ZNF385D: variants seen among roughly 807,000 people sequenced by gnomAD.
ZNF385D encodes zinc finger protein 385D.
A neutral mutation model predicts 35.8 loss-of-function variants in ZNF385D; 15 were observed. That is an observed-to-expected ratio of 0.42 (90% CI 0.28 to 0.64). The LOEUF is 0.64. ZNF385D is among the 30% of genes least tolerant of loss of function. The pLI, the probability that ZNF385D is intolerant of heterozygous loss-of-function variation, is 0.23. For missense variants in ZNF385D, 474 were observed against 494.6 expected, an observed-to-expected ratio of 0.96 and a Z score of 0.39; for synonymous variants, 212 against 186.8, an observed-to-expected ratio of 1.13 and a Z score of -1.10.
At position 22,248,092 on chromosome 3, in the gene ZNF385D, G is replaced by C. The variant is rs1043517796; in HGVS notation, c.107-79057C>G. On this transcript the variant is annotated intron_variant, in intron 2 of 5. Transcript: ENST00000494108. The stretch of plus-strand genomic sequence containing the variant: ...CAATCAAGCTGATGTCAAGATTCAT[G>C]AACTACACAACCTTGCTCCCTGAAG... Among the ~76,000 whole-genome samples the C allele has an allele frequency of 5.9e-5, 9 of 152,098 alleles. No homozygotes were observed. In the East Asian group the frequency reaches 1.4e-3, roughly 23 times the overall value.
intron 3 of ZNF385D, among the ~76,000 whole-genome samples, chr3:21,770,299 G>T (rs1049963871): frequency 2.0e-5 from 3 of 152,026 alleles, no homozygotes; most frequent in African/African-American, 7.2e-5. Flanking sequence ...GAGTGAACAG[G>T]CAACCTACAG....
chr3:22,371,667 C>T (rs1261549338), intron 2 of ZNF385D, among the ~76,000 whole-genome samples: 1 of 152,148 alleles, frequency 6.6e-6, no homozygotes, highest in Non-Finnish European at 1.5e-5. Flanking sequence ...AAACATCTCC[C>T]AAAATGCAAG....
chr3:22,163,855 A>G (rs1386252199), intron 3 of ZNF385D, among the ~76,000 whole-genome samples: 1 of 152,188 alleles, frequency 6.6e-6, no homozygotes, highest in Admixed American at 6.5e-5. Context: ...TTTAAGGAGA[A>G]GAATGAAAGA....
intron 3 of ZNF385D, among the ~76,000 whole-genome samples, chr3:21,832,190 ATTTG>A (rs1421559649): frequency 3.9e-5 from 6 of 152,146 alleles, no homozygotes; most frequent in Admixed American, 2.0e-4. Context: ...TGTGTGCCTT[ATTTG>A]TTTTTCTTCA....
intron 3 of ZNF385D, among the ~76,000 whole-genome samples, chr3:21,947,590 A>C (rs1694017): frequency 6.6e-6 from 1 of 152,026 alleles, no homozygotes; most frequent in South Asian, 2.1e-4. Flanking sequence ...GACCTCACGA[A>C]CCGCCCACAT....
At chr3:21,687,475 A>G (rs940611872) in intron 1 of ZNF385D, among the ~76,000 whole-genome samples, 25 of 152,224 alleles carry the variant, frequency 1.6e-4, no homozygotes, top group African/African-American at 6.0e-4. Flanking sequence ...GCAATTTCCC[A>G]TATACCCTCG....
chr3:22,351,566 C>T (rs1048743848), intron 2 of ZNF385D, among the ~76,000 whole-genome samples: 1 of 152,106 alleles, frequency 6.6e-6, no homozygotes, highest in African/African-American at 2.4e-5. Flanking sequence ...ATAAGCAGTA[C>T]ACTTGCTATA....
intron 3 of ZNF385D, among the ~76,000 whole-genome samples, chr3:22,093,211 C>G (rs1224768294): frequency 6.6e-6 from 1 of 152,042 alleles, no homozygotes; most frequent in Non-Finnish European, 1.5e-5. Context: ...TTTAAGACTA[C>G]TGACTTTACT....
chr3:21,551,430 T>G (rs1267714688), intron 3 of ZNF385D, among the ~76,000 whole-genome samples: 1 of 152,212 alleles, frequency 6.6e-6, no homozygotes, highest in African/African-American at 2.4e-5. Flanking sequence ...TTTTATGAAA[T>G]TCTATTGTTA....
chr3:22,141,004 C>T (rs1001942858), intron 3 of ZNF385D, among the ~76,000 whole-genome samples: 10 of 152,152 alleles, frequency 6.6e-5, no homozygotes, highest in Admixed American at 2.6e-4. Flanking sequence ...AATTGTATAT[C>T]AATATCACCA....
chr3:21,549,875 C>T (rs1377128889), intron 3 of ZNF385D, among the ~76,000 whole-genome samples: 1 of 152,148 alleles, frequency 6.6e-6, no homozygotes, highest in Non-Finnish European at 1.5e-5. Flanking sequence ...CTTTGGGATG[C>T]AGCGGCAACA....
chr3:22,207,060 G>T (rs1409553627), intron 2 of ZNF385D, among the ~76,000 whole-genome samples: 1 of 151,688 alleles, frequency 6.6e-6, no homozygotes, highest in Non-Finnish European at 1.5e-5. Context: ...TAAAATCAGA[G>T]ATGAAAAAGA....
chr3:21,656,546 C>A (rs953371099), intron 2 of ZNF385D, among the ~76,000 whole-genome samples: 3 of 151,924 alleles, frequency 2.0e-5, no homozygotes, highest in African/African-American at 7.2e-5. Flanking sequence ...CTCTAATGAT[C>A]TCATCTGAAC....
intron 3 of ZNF385D, among the ~76,000 whole-genome samples, chr3:21,557,779 T>C (rs2062792893): frequency 6.6e-6 from 1 of 152,186 alleles, no homozygotes; most frequent in Non-Finnish European, 1.5e-5. Context: ...CGTCTGTGAA[T>C]CCATCTGGTC....
At chr3:22,032,728 T>C (rs1223074828) in intron 3 of ZNF385D, among the ~76,000 whole-genome samples, 1 of 152,148 alleles carries the variant, frequency 6.6e-6, no homozygotes, top group Non-Finnish European at 1.5e-5. Flanking sequence ...AAATGGTAAC[T>C]TATGGGGTCG....
At chr3:21,923,659 T>C (rs1700585868) in intron 3 of ZNF385D, among the ~76,000 whole-genome samples, 1 of 151,810 alleles carries the variant, frequency 6.6e-6, no homozygotes. Flanking sequence ...ATACACAACA[T>C]GGAATACTAT....
chr3:21,658,505 G>T (rs2066139733), intron 2 of ZNF385D, among the ~76,000 whole-genome samples: 1 of 151,860 alleles, frequency 6.6e-6, no homozygotes, highest in Admixed American at 6.6e-5. Flanking sequence ...TGGTACAAAT[G>T]TTATGGCTAT....
intron 3 of ZNF385D, among the ~76,000 whole-genome samples, chr3:21,512,586 T>C (rs539697846): frequency 6.6e-6 from 1 of 152,352 alleles, no homozygotes; most frequent in East Asian, 1.9e-4. Flanking sequence ...AAGAAAATTA[T>C]ATATTAGAAA....
chr3:21,865,684 T>C (rs1697309835), intron 3 of ZNF385D, among the ~76,000 whole-genome samples: 1 of 152,140 alleles, frequency 6.6e-6, no homozygotes, highest in African/African-American at 2.4e-5. Flanking sequence ...TTTGAGGAAC[T>C]TAGTTTATGG....
Sources: allele counts gnomAD v4.1 joint callset (sites outside exome capture counted in the v4.1 genomes callset), GRCh38; gene constraint gnomAD v4.1.1; transcripts MANE v1.5; gene names NCBI Gene and HGNC (gene_info 2026-07-23, HGNC 2026-07-21).